The following PDGFD variants were observed in gnomAD, a reference collection of about 807,000 sequenced individuals.
PDGFD encodes the protein platelet-derived growth factor D.
In PDGFD, 30 loss-of-function variants were observed where a neutral mutation model predicts 44.7. That is an observed-to-expected ratio of 0.67 (90% confidence interval 0.50 to 0.91). PDGFD has a LOEUF of 0.91. Among genes scored for constraint, PDGFD ranks in the 40% least tolerant of loss-of-function variants. PDGFD has a pLI of 0.00. For missense variants in PDGFD, 445 were observed against 457.8 expected (o/e 0.97, Z 0.25); for synonymous variants, 173 against 168.4 (o/e 1.03, Z -0.21).
intron 1 of PDGFD, among the ~76,000 whole-genome samples, chr11:104,047,639 C>A (rs1316161332): frequency 4.1e-5 from 6 of 147,132 alleles, no homozygotes; most frequent in African/African-American, 1.5e-4. Context: ...CAAAGTAAGA[C>A]TACTGAGAAT....
intron 3 of PDGFD, among the ~76,000 whole-genome samples, chr11:103,976,295 T>A (rs776976290): frequency 3.3e-5 from 5 of 152,182 alleles, no homozygotes; most frequent in Admixed American, 6.5e-5. Context: ...TTTGTAGCGA[T>A]TGTGAATGGG....
intron 1 of PDGFD, among the ~76,000 whole-genome samples, chr11:104,021,854 G>A (rs574223258): frequency 1.6e-4 from 24 of 152,230 alleles, no homozygotes; most frequent in African/African-American, 5.1e-4. Flanking sequence ...GCATTGGTGG[G>A]GGAATACTAA....
At chr11:104,119,861 T>G (rs1861744082) in intron 1 of PDGFD, among the ~76,000 whole-genome samples, 1 of 75,106 alleles carries the variant, frequency 1.3e-5, no homozygotes, top group African/African-American at 5.0e-5. Flanking sequence ...ATAATTATAT[T>G]ATATATATAA....
chr11:104,156,472 T>C (rs1480036054), intron 1 of PDGFD, among the ~76,000 whole-genome samples: 3 of 152,224 alleles, frequency 2.0e-5, no homozygotes, highest in Non-Finnish European at 4.4e-5. Context: ...ACTGTCTTCA[T>C]GAACACACTC....
chr11:104,095,237 T>C (rs2134440360), intron 1 of PDGFD, among the ~76,000 whole-genome samples: 1 of 152,290 alleles, frequency 6.6e-6, no homozygotes, highest in Admixed American at 6.5e-5. Flanking sequence ...CTTCACTCTT[T>C]AGTGTCACCC....
chr11:103,924,471 A>AT (rs906793884), intron 6 of PDGFD, among the ~76,000 whole-genome samples: 18 of 151,736 alleles, frequency 1.2e-4, no homozygotes, highest in Admixed American at 7.2e-4. Context: ...ATATGAGAAC[A>AT]TTTTTTTTCC....
chr11:104,142,679 A>G (rs1261591403), intron 1 of PDGFD, among the ~76,000 whole-genome samples: 1 of 152,172 alleles, frequency 6.6e-6, no homozygotes, highest in East Asian at 1.9e-4. Flanking sequence ...GCTATAGAAA[A>G]ACCGAAGGCC....
At chr11:104,107,936 A>C (rs1314390982) in intron 1 of PDGFD, among the ~76,000 whole-genome samples, 1 of 152,116 alleles carries the variant, frequency 6.6e-6, no homozygotes, top group African/African-American at 2.4e-5. Flanking sequence ...ACTAAGAGAA[A>C]CATGTCCGTA....
chr11:104,041,684 C>T (rs1245876528), intron 1 of PDGFD, among the ~76,000 whole-genome samples: 3 of 152,072 alleles, frequency 2.0e-5, no homozygotes, highest in Admixed American at 2.0e-4. Flanking sequence ...TTCAAGATTA[C>T]CAGCAACAGA....
At chr11:104,064,840 A>T (rs1860765389) in intron 1 of PDGFD, among the ~76,000 whole-genome samples, 1 of 152,198 alleles carries the variant, frequency 6.6e-6, no homozygotes, top group Admixed American at 6.5e-5. Flanking sequence ...ATACATAGTT[A>T]ATACAAAAAT....
intron 1 of PDGFD, among the ~76,000 whole-genome samples, chr11:104,112,206 C>A (rs563191841): frequency 1.3e-5 from 2 of 151,746 alleles, no homozygotes; most frequent in African/African-American, 4.8e-5. Context: ...ATTTTTTTTA[C>A]TTTTTAATAA....
chr11:104,151,750 T>C (rs1038061649), intron 1 of PDGFD, among the ~76,000 whole-genome samples: 2 of 152,138 alleles, frequency 1.3e-5, no homozygotes. Context: ...AATTAAAAGT[T>C]GCTTTTCTGC....
chr11:104,141,651 T>C lies in PDGFD; in HGVS notation c.124+22153A>G, dbSNP rs147298266. 7.3e-3 allele frequency among the ~76,000 whole-genome samples: 1,109 copies of C among 152,230 alleles called. 7 individuals carry two copies. Among genetic ancestry groups the C allele is most frequent in the African/African-American group, 0.024 (994 of 41,528 alleles). On this transcript the variant is annotated intron_variant, in intron 1 of 6. Coordinates refer to ENST00000393158, the MANE Select transcript of PDGFD (RefSeq NM_025208.5). ...CTTGTGAGGAAGAGCTTATGTATTA[T>C]CCATGTGAGCCCTAAATGCAATCTC...
chr11:103,964,773 C>T (rs903364241), intron 3 of PDGFD, among the ~76,000 whole-genome samples: 15 of 152,002 alleles, frequency 9.9e-5, no homozygotes, highest in African/African-American at 3.6e-4. Flanking sequence ...AGTAGTACTA[C>T]TGGTCCAGGT....
intron 3 of PDGFD, among the ~76,000 whole-genome samples, chr11:103,994,280 T>C (rs1232561748): frequency 1.3e-5 from 2 of 152,226 alleles, no homozygotes; most frequent in African/African-American, 4.8e-5. Context: ...TCTCTAAGCC[T>C]ATCCATCACC....
At chr11:104,123,237 A>C (rs1010006478) in intron 1 of PDGFD, among the ~76,000 whole-genome samples, 8 of 152,104 alleles carry the variant, frequency 5.3e-5, no homozygotes, top group African/African-American at 1.7e-4. Context: ...TTATTTGATA[A>C]TTGGGAAGTA....
intron 1 of PDGFD, among the ~76,000 whole-genome samples, chr11:104,029,319 T>C (rs977142902): frequency 1.3e-4 from 20 of 152,268 alleles, no homozygotes; most frequent in Admixed American, 1.1e-3. Context: ...TTATTTGTTA[T>C]TTTTAAAAGT....
At chr11:104,149,620 A>T (rs1361757633) in intron 1 of PDGFD, among the ~76,000 whole-genome samples, 1 of 152,106 alleles carries the variant, frequency 6.6e-6, no homozygotes, top group Non-Finnish European at 1.5e-5. Flanking sequence ...CTCCTGCTCC[A>T]TTTGTTGTAG....
intron 1 of PDGFD, among the ~76,000 whole-genome samples, chr11:104,141,681 G>A (rs1057207097): frequency 1.2e-4 from 19 of 152,110 alleles, no homozygotes; most frequent in Admixed American, 3.3e-4. Context: ...AATCTCACAT[G>A]TCCCTATATG....
Sources: gnomAD v4.1 joint callset for allele counts (sites outside exome capture counted in the v4.1 genomes callset) on GRCh38, gnomAD v4.1.1 for gene constraint, MANE v1.5 for transcripts, NCBI Gene and HGNC (gene_info 2026-07-23, HGNC 2026-07-21) for gene names.